MTARC2: variants seen among roughly 807,000 people sequenced by gnomAD.
The protein encoded by MTARC2 is MOCO sulphurase C-terminal domain containing 2.
In MTARC2, 27 loss-of-function variants were observed where a neutral mutation model predicts 35.6. That is an observed-to-expected ratio of 0.76 (90% CI 0.56 to 1.04). The LOEUF (loss-of-function observed/expected upper bound fraction) is 1.04, where lower values mean the gene tolerates loss of function less well. Ranked by LOEUF, MTARC2 falls within the 50% of genes least tolerant of loss-of-function variation. MTARC2 has a pLI of 0.00. For synonymous variants in MTARC2, 158 were observed against 167.1 expected, an observed-to-expected ratio of 0.95 and a Z score of 0.42; for missense variants, 412 against 432.5, an observed-to-expected ratio of 0.95 and a Z score of 0.42.
At chr1:220,782,894 T>A (rs1287576681) in intron 7 of MTARC2, among the ~76,000 whole-genome samples, 2 of 152,222 alleles carry the variant, frequency 1.3e-5, no homozygotes, top group Non-Finnish European at 2.9e-5. Context: ...ATAAAAGTTA[T>A]CTTGAGTATT....
intron 1 of MTARC2, among the ~76,000 whole-genome samples, chr1:220,752,747 T>A (rs1189507975): frequency 6.6e-6 from 1 of 152,044 alleles, no homozygotes; most frequent in African/African-American, 2.4e-5. Context: ...CTCAGGAGAC[T>A]GAGGCAGGAG....
At chr1:220,774,971 G>A (rs1292806308) in intron 4 of MTARC2, among the ~76,000 whole-genome samples, 22 of 152,128 alleles carry the variant, frequency 1.4e-4, no homozygotes, top group Admixed American at 1.4e-3. Context: ...GTGTGTGTGT[G>A]TACACACATT....
At chr1:220,782,817 A>T (rs1043980712) in intron 7 of MTARC2, among the ~76,000 whole-genome samples, 1 of 152,210 alleles carries the variant, frequency 6.6e-6, no homozygotes, top group Non-Finnish European at 1.5e-5. Context: ...TGAGATGTTT[A>T]ACTTCTCTTT....
chr1:220,763,024 G>A lies in MTARC2; in HGVS notation c.724G>A (p.Val242Met), dbSNP rs1558068212. ...GGAGAATTTCAGGCCAAATATTGTG[G>A]TGACCGGCTGTGATGCTTTTGAGGA... ...KMENFRPNIV[V>M]TGCDAFEEDT... is the part of the protein sequence containing the mutation. The change falls in exon 4 of 8, where the codon GTG becomes ATG. Residue 242 changes from valine to methionine, a missense_variant. By Grantham distance (21) the Val-to-Met change is conservative (BLOSUM62 1). Coordinates refer to ENST00000366913, the MANE Select transcript of MTARC2 (RefSeq NM_017898.5). The A allele has an allele frequency of 6.2e-7, 1 of 1,614,034 alleles. No individual in the cohort carries two copies. The highest frequency in any genetic ancestry group is 1.3e-5 in the African/African-American group (1 of 74,926).
Position 220,769,538 on chromosome 1 carries a change from G to C in MTARC2, c.750+6488G>C, listed in dbSNP as rs372826611. The stretch of plus-strand genomic sequence containing the variant: ...GTGTAGCCAGGGGTGGGAACCACTG[G>C]GCTAGGGTTTTCCAGGGGAGCAAAG... On this transcript the variant is annotated intron_variant, in intron 4 of 7. Coordinates refer to ENST00000366913, the MANE Select transcript of MTARC2 (RefSeq NM_017898.5). Among the ~76,000 whole-genome samples, 9 of 152,266 alleles carry C rather than the reference G, an allele frequency of 5.9e-5. 1 individual carries two copies. The highest frequency in any genetic ancestry group is 2.2e-4 in the African/African-American group (9 of 41,554).
At chr1:220,766,317 A>C (rs1671576526) in intron 4 of MTARC2, among the ~76,000 whole-genome samples, 1 of 152,236 alleles carries the variant, frequency 6.6e-6, no homozygotes, top group Non-Finnish European at 1.5e-5. Context: ...CTGAGGCTCA[A>C]GCCTCAATGG....
chr1:220,777,255 G>T (rs1477950608), intron 4 of MTARC2, among the ~76,000 whole-genome samples: 2 of 152,226 alleles, frequency 1.3e-5, no homozygotes, highest in Non-Finnish European at 2.9e-5. Flanking sequence ...GTCTCTAGCT[G>T]TGGTCATGCC....
At chr1:220,765,589 T>C (rs1480832775) in intron 4 of MTARC2, among the ~76,000 whole-genome samples, 1 of 152,154 alleles carries the variant, frequency 6.6e-6, no homozygotes, top group Non-Finnish European at 1.5e-5. Context: ...TTTTTCTTTT[T>C]TGAGACAAGA....
Position 220,779,832 on chromosome 1 carries a change from A to C in MTARC2, c.751-186A>C, listed in dbSNP as rs1672017553. The C allele has an allele frequency of 6.6e-6, 3 of 457,908 alleles. No individual in the cohort carries two copies. The Admixed American group carries it at 1.3e-4, about 20-fold the overall frequency. The allele number at this position is 457,908 out of a possible 1,614,324, so 28.4% of individuals were successfully genotyped here. A position where few individuals can be genotyped will look rare whatever the true frequency, so the allele number is the denominator to read the frequency against. ...AATCAGGGTTTTGAGACTGGGAGTC[A>C]AGAGGTGGACCTGAACTTGCCAGCA... On this transcript the variant is annotated intron_variant, in intron 4 of 7. Coordinates refer to ENST00000366913, the MANE Select transcript of MTARC2 (RefSeq NM_017898.5).
intron 4 of MTARC2, among the ~76,000 whole-genome samples, chr1:220,768,283 G>T (rs907828180): frequency 6.6e-6 from 1 of 152,220 alleles, no homozygotes; most frequent in African/African-American, 2.4e-5. Flanking sequence ...ACTATATGTA[G>T]AAGGGTTAAG....
chr1:220,763,072 T>A, intron 4 of MTARC2, 22 bp downstream of exon 4: 1 of 1,614,184 alleles, frequency 6.2e-7, no homozygotes, highest in Non-Finnish European at 8.5e-7. Flanking sequence ...ACTGCTTTTG[T>A]GCATCATGCT....
rs775194257 is a variant in MTARC2, at chr1:220,761,720, A to G, written c.509A>G (p.Asn170Ser). Residue 170 changes from asparagine (N) to serine (S), a missense_variant, in exon 3 of 8, where the codon AAC becomes AGC. By Grantham distance (46) the Asn-to-Ser change is conservative. Transcript: ENST00000366913. ...CGNEAAKWFT[N>S]FLKTEAYRLV... is the part of the protein sequence containing the mutation. ...AATGAGGCAGCTAAGTGGTTCACCAACTTCTTGAAAACTGAAGCGTATAGA... is the reference window on the plus strand; with the variant it reads ...AATGAGGCAGCTAAGTGGTTCACCAGCTTCTTGAAAACTGAAGCGTATAGA... 6 of 1,614,180 alleles carry G rather than the reference A, an allele frequency of 3.7e-6. No homozygotes were observed. Among genetic ancestry groups the G allele is most frequent in the Non-Finnish European group, 4.2e-6 (5 of 1,180,020 alleles).
At chr1:220,769,458 T>A (rs1671674768) in intron 4 of MTARC2, among the ~76,000 whole-genome samples, 1 of 152,160 alleles carries the variant, frequency 6.6e-6, no homozygotes, top group Non-Finnish European at 1.5e-5. Context: ...GGTGCCTCCA[T>A]CTCAGGTGCA....
chr1:220,758,619 A>G (rs1456365969), intron 2 of MTARC2, among the ~76,000 whole-genome samples: 1 of 151,880 alleles, frequency 6.6e-6, no homozygotes, highest in Non-Finnish European at 1.5e-5. Flanking sequence ...GGGTTTCACC[A>G]TGTTGGCCAG....
chr1:220,765,027 C>T (rs558395498), intron 4 of MTARC2, among the ~76,000 whole-genome samples: 4 of 152,226 alleles, frequency 2.6e-5, no homozygotes, highest in African/African-American at 4.8e-5. Flanking sequence ...CAGTGTCAGA[C>T]GTGCTTTAGT....
intron 6 of MTARC2, among the ~76,000 whole-genome samples, chr1:220,780,778 G>A (rs1248696839): frequency 1.3e-5 from 2 of 151,988 alleles, no homozygotes; most frequent in African/African-American, 2.4e-5. Context: ...ACTACATTTT[G>A]AAATTTTAGT....
At chr1:220,775,044 C>T (rs572271629) in intron 4 of MTARC2, among the ~76,000 whole-genome samples, 35 of 152,064 alleles carry the variant, frequency 2.3e-4, no homozygotes, top group Non-Finnish European at 4.6e-4. Context: ...TAGTAGTCAA[C>T]TTTTAAGTTT....
At chr1:220,775,195 A>G (rs1209093602) in intron 4 of MTARC2, among the ~76,000 whole-genome samples, 1 of 125,164 alleles carries the variant, frequency 8.0e-6, no homozygotes, top group Admixed American at 9.3e-5. Flanking sequence ...GCTGCTTGTG[A>G]TGGAAAACCC....
At chr1:220,751,689 G>A (rs1278631699) in intron 1 of MTARC2, among the ~76,000 whole-genome samples, 1 of 152,126 alleles carries the variant, frequency 6.6e-6, no homozygotes, top group Non-Finnish European at 1.5e-5. Context: ...CGTTGCTGTT[G>A]GTTGTTCGGG....
Sources: gnomAD v4.1 joint callset for allele counts (sites outside exome capture counted in the v4.1 genomes callset) on GRCh38, gnomAD v4.1.1 for gene constraint, MANE v1.5 for transcripts, NCBI Gene and HGNC (gene_info 2026-07-23, HGNC 2026-07-21) for gene names.